The following SPATA13 variants were observed in gnomAD, a reference collection of about 807,000 sequenced individuals.
SPATA13 encodes spermatogenesis associated 13, also known as spermatogenesis-associated protein 13.
In SPATA13, 50 loss-of-function variants were observed where a neutral mutation model predicts 104.0. That is an observed-to-expected ratio of 0.48 (90% confidence interval 0.38 to 0.61). The LOEUF (loss-of-function observed/expected upper bound fraction) is 0.61, where lower values mean the gene tolerates loss of function less well. Ranked by LOEUF, SPATA13 falls within the 20% of genes least tolerant of loss-of-function variation. The pLI is 0.00. For missense variants in SPATA13, 1,524 were observed against 1,690.6 expected (o/e 0.90, Z 1.73); for synonymous variants, 606 against 667.5 (o/e 0.91, Z 1.42).
chr13:24,218,030 G>A (rs1341446632), intron 1 of SPATA13, among the ~76,000 whole-genome samples: 1 of 152,238 alleles, frequency 6.6e-6, no homozygotes, highest in African/African-American at 2.4e-5. Flanking sequence ...AGGCATGGTG[G>A]TGTGAGGATC....
chr13:24,189,186 T>A (rs1224573625), intron 1 of SPATA13, among the ~76,000 whole-genome samples: 1 of 152,024 alleles, frequency 6.6e-6, no homozygotes, highest in African/African-American at 2.4e-5. Flanking sequence ...AGAAATATAT[T>A]TCAGGCCAGG....
intron 1 of SPATA13, among the ~76,000 whole-genome samples, chr13:24,178,240 A>G (rs1593385284): frequency 6.6e-6 from 1 of 152,192 alleles, no homozygotes; most frequent in Admixed American, 6.6e-5. Context: ...AACAGCTCCT[A>G]CCATTCACTC....
At chr13:24,221,397 CTATT>C (rs1238363198) in intron 1 of SPATA13, among the ~76,000 whole-genome samples, 1 of 152,158 alleles carries the variant, frequency 6.6e-6, no homozygotes, top group African/African-American at 2.4e-5. Context: ...CATCCAGTAA[CTATT>C]TATTGAGAAC....
intron 9 of SPATA13, among the ~76,000 whole-genome samples, chr13:24,291,547 C>T (rs17080598): frequency 0.081 from 12,379 of 152,164 alleles, 646 homozygotes; most frequent in Middle Eastern, 0.17. Flanking sequence ...ACCGGGGTGC[C>T]GACTCTCTGG....
intron 2 of SPATA13, among the ~76,000 whole-genome samples, chr13:24,000,763 C>G (rs1875928020): frequency 6.6e-6 from 1 of 151,738 alleles, no homozygotes; most frequent in Non-Finnish European, 1.5e-5. Flanking sequence ...TGGGAGAGCC[C>G]TGGGCTAGAC....
chr13:24,254,458 T>C (rs2760374), intron 4 of SPATA13: 40,897 of 152,146 alleles, frequency 0.27, 6,766 homozygotes, highest in African/African-American at 0.47. Flanking sequence ...CAGCTGCCTC[T>C]GTAACTTCAT....
At chr13:24,234,610 A>G (rs933867975) in intron 2 of SPATA13, among the ~76,000 whole-genome samples, 2 of 152,350 alleles carry the variant, frequency 1.3e-5, no homozygotes, top group East Asian at 1.9e-4. Context: ...AGAAGTCACT[A>G]TATAAATAAC....
chr13:24,231,628 A>T (rs1872279165), intron 2 of SPATA13, among the ~76,000 whole-genome samples: 1 of 152,166 alleles, frequency 6.6e-6, no homozygotes, highest in Non-Finnish European at 1.5e-5. Flanking sequence ...TAGGGGTGGA[A>T]TTGCTAGGTC....
chr13:24,209,883 G>A (rs1465978813), intron 1 of SPATA13, among the ~76,000 whole-genome samples: 1 of 152,166 alleles, frequency 6.6e-6, no homozygotes, highest in African/African-American at 2.4e-5. Flanking sequence ...AATCCTGCCA[G>A]TAGTGTGTGA....
chr13:24,024,408 C>G (rs1324108870), intron 3 of SPATA13, among the ~76,000 whole-genome samples: 1 of 151,936 alleles, frequency 6.6e-6, no homozygotes, highest in Non-Finnish European at 1.5e-5. Flanking sequence ...GAATGATGAA[C>G]CAGGCTGCTG....
At chr13:24,255,049 A>G (rs1566175500) in intron 4 of SPATA13, among the ~76,000 whole-genome samples, 1 of 152,086 alleles carries the variant, frequency 6.6e-6, no homozygotes, top group Non-Finnish European at 1.5e-5. Flanking sequence ...TTCTTTCCAC[A>G]TTCCTCCAGG....
chr13:24,278,592 T>A, intron 4 of SPATA13: 1 of 1,425,238 alleles, frequency 7.0e-7, no homozygotes, highest in Non-Finnish European at 9.1e-7. Flanking sequence ...CTTGCAATTC[T>A]ATACTGTTTT....
At chr13:24,094,325 G>A (rs1232006684) in intron 3 of SPATA13, among the ~76,000 whole-genome samples, 2 of 152,142 alleles carry the variant, frequency 1.3e-5, no homozygotes, top group Admixed American at 6.5e-5. Context: ...AGCTTTCCAC[G>A]GGTACATTTA....
At chr13:24,063,499 T>C (rs1025897314) in intron 3 of SPATA13, among the ~76,000 whole-genome samples, 9 of 152,016 alleles carry the variant, frequency 5.9e-5, no homozygotes, top group African/African-American at 2.2e-4. Context: ...CGGTGGCCTT[T>C]CCTCCCAAAC....
chr13:24,184,275 G>A (rs76776566), intron 1 of SPATA13, among the ~76,000 whole-genome samples: 2,155 of 152,210 alleles, frequency 0.014, 57 homozygotes, highest in African/African-American at 0.05. Flanking sequence ...AAAATGTTTG[G>A]TTTTGCCCTG....
At chr13:24,290,944 T>C in intron 9 of SPATA13, 60 bp downstream of exon 9, 2 of 1,378,286 alleles carry the variant, frequency 1.5e-6, no homozygotes, top group Non-Finnish European at 2.0e-6. Context: ...CGTAGGCAGC[T>C]CTTAACTCCA....
At chr13:23,989,250 C>T (rs1331524011) in intron 2 of SPATA13, among the ~76,000 whole-genome samples, 5 of 151,902 alleles carry the variant, frequency 3.3e-5, no homozygotes, top group Admixed American at 3.3e-4. Context: ...GGTGAAACCC[C>T]GTCTCTACTA....
intron 1 of SPATA13, among the ~76,000 whole-genome samples, chr13:24,221,553 G>A (rs897549031): frequency 6.6e-6 from 1 of 152,062 alleles, no homozygotes; most frequent in African/African-American, 2.4e-5. Flanking sequence ...GGACACAGAT[G>A]TGCATGATGG....
chr13:24,021,894 G>C lies in SPATA13; in HGVS notation c.-112+4193G>C, dbSNP rs902690479. ...GCCTGACTAATTTTTTATATTTTTA[G>C]TAGAGATGGGGTTTCACCGTATTAG... is the stretch of plus-strand genomic sequence containing the variant. On this transcript the variant is annotated intron_variant, in intron 3 of 14. Coordinates refer to the SPATA13 transcript ENST00000424834. Among the ~76,000 whole-genome samples the C allele has an allele frequency of 5.3e-5, 8 of 151,888 alleles. No homozygotes were observed. The South Asian group carries it at 1.5e-3, about 28-fold the overall frequency.
Sources: allele counts gnomAD v4.1 joint callset (sites outside exome capture counted in the v4.1 genomes callset), GRCh38; gene constraint gnomAD v4.1.1; transcripts MANE v1.5; gene names NCBI Gene and HGNC (gene_info 2026-07-23, HGNC 2026-07-21).